The following PC variants were observed in gnomAD, a reference collection of about 807,000 sequenced individuals.
PC encodes the protein pyruvate carboxylase, also known as pyruvate carboxylase, mitochondrial.
In PC, 46 loss-of-function variants were observed where a neutral mutation model predicts 107.8. The ratio of observed to expected loss-of-function variants is 0.43; its 90% confidence interval spans 0.34 to 0.55. The LOEUF is 0.55. Ranked by LOEUF, PC falls within the 20% of genes least tolerant of loss-of-function variation. The pLI, the probability that PC is intolerant of heterozygous loss-of-function variation, is 0.04. For synonymous variants in PC, 662 were observed against 684.7 expected (o/e 0.97, Z 0.52); for missense variants, 1,241 against 1,643.1 (o/e 0.76, Z 4.23).
chr11:66,957,562 G>A (rs900948598), intron 1 of PC, among the ~76,000 whole-genome samples: 4 of 152,226 alleles, frequency 2.6e-5, no homozygotes, highest in Admixed American at 2.6e-4. Flanking sequence ...ACTGCAGTGA[G>A]CCGAGATCGC....
chr11:66,866,156 T>G lies in PC; in HGVS notation c.1185+31A>C. ...AGGCAGAACCTGTGCACAGGTGAGC[T>G]GGCATCTCCCTCTGCTCGAGCTCCG... On this transcript the variant is annotated intron_variant, in intron 11 of 22. Transcript: ENST00000393960. The surrounding 1 kb of genome is among the most constrained non-coding windows in gnomAD (Gnocchi z 5.4). 1 of 1,599,206 alleles carries G rather than the reference T, an allele frequency of 6.3e-7. No individual in the cohort carries two copies. The highest frequency in any genetic ancestry group is 8.5e-7 in the Non-Finnish European group (1 of 1,177,332).
In PC at chr11:66,933,086, A is replaced by G. The variant is rs139926904; in HGVS notation, c.-1+19344T>C. Among the ~76,000 whole-genome samples, 340 of 152,214 alleles carry G rather than the reference A, an allele frequency of 2.2e-3. 1 individual carries two copies. The highest frequency in any genetic ancestry group is 7.7e-3 in the African/African-American group (319 of 41,534). On this transcript the variant is annotated intron_variant, in intron 3 of 22. Coordinates refer to ENST00000393960, the MANE Select transcript of PC (RefSeq NM_001040716.2). ...TTTGATCAGTGTAAATCTGTTTGCTAGGAGGCAGTTTCAGCTTCCACCTAT... is the reference window on the plus strand; with the variant it reads ...TTTGATCAGTGTAAATCTGTTTGCTGGGAGGCAGTTTCAGCTTCCACCTAT...
intron 3 of PC, among the ~76,000 whole-genome samples, chr11:66,874,589 G>C (rs895870032): frequency 1.3e-5 from 2 of 152,124 alleles, no homozygotes; most frequent in African/African-American, 4.8e-5. Flanking sequence ...GTAGAAGAAA[G>C]AGAAGAGGAG....
intron 3 of PC, among the ~76,000 whole-genome samples, chr11:66,891,486 C>T (rs1297788361): frequency 3.3e-5 from 5 of 152,104 alleles, no homozygotes; most frequent in South Asian, 2.1e-4. Flanking sequence ...CTCCGCCTCC[C>T]GGGTTCGAGC....
At chr11:66,909,725 G>A (rs1948280301) in intron 3 of PC, among the ~76,000 whole-genome samples, 1 of 152,172 alleles carries the variant, frequency 6.6e-6, no homozygotes, top group Admixed American at 6.5e-5. Flanking sequence ...GGAAGCAAAT[G>A]CCAGTGCTGA....
rs535774024 is a variant in PC at position 66,916,309 on chromosome 11, C to T, written c.-1+36121G>A. ...CTGTGTTGCCCAGGCTGGTCTTCACCTCCTGGGCGCAGGTGATCCTCCGAC... is the reference window on the plus strand; with the variant it reads ...CTGTGTTGCCCAGGCTGGTCTTCACTTCCTGGGCGCAGGTGATCCTCCGAC... On this transcript the variant is annotated intron_variant, in intron 3 of 22. Coordinates refer to ENST00000393960, the MANE Select transcript of PC (RefSeq NM_001040716.2). Among the ~76,000 whole-genome samples the T allele has an allele frequency of 2.0e-5, 3 of 152,292 alleles. No homozygotes were observed. The East Asian group carries it at 5.8e-4, about 30-fold the overall frequency.
chr11:66,923,343 CAG>C (rs1170098531), intron 3 of PC, among the ~76,000 whole-genome samples: 2 of 133,146 alleles, frequency 1.5e-5, no homozygotes, highest in Non-Finnish European at 1.5e-5. Flanking sequence ...GCCTGGGAGA[CAG>C]AGTCTAGCCT....
rs557712183 is a variant in PC at position 66,870,812 on chromosome 11, G to A, written c.714C>T (p.Phe238=). ...CCTCGATGTGCCGTGGCTTCTCGAT[G>A]AACTTCTCCACAAACAGCGCCCCAT... The part of the protein sequence containing the change: ...FGNGALFVEK[F]IEKPRHIEVQ... The change falls in exon 8 of 23, where the codon TTC becomes TTT. Residue 238 remains phenylalanine, a synonymous_variant. Coordinates refer to ENST00000393960, the MANE Select transcript of PC (RefSeq NM_001040716.2). The surrounding 1 kb of genome is among the most constrained non-coding windows in gnomAD (Gnocchi z 6.1). 1 of 1,613,596 alleles carries A rather than the reference G, an allele frequency of 6.2e-7. No homozygotes were observed. The highest frequency in any genetic ancestry group is 1.3e-5 in the African/African-American group (1 of 75,036).
chr11:66,858,185 G>A lies in PC; in HGVS notation c.1369-4802C>T. ...CCTTCGACGACTTCCTAGAGAGCCT[G>A]GAGGACCTGGACCTGTCCTACAACA... On this transcript the variant is annotated intron_variant, in intron 12 of 22. Transcript: ENST00000393960. This position sits in a 1 kb window ranked among gnomAD's most constrained non-coding sequence, Gnocchi z 5.9. The A allele has an allele frequency of 6.2e-7, 1 of 1,611,844 alleles. No individual in the cohort carries two copies.
At chr11:66,908,555 A>AC in intron 3 of PC, among the ~76,000 whole-genome samples, 1 of 152,280 alleles carries the variant, frequency 6.6e-6, no homozygotes. Flanking sequence ...ACTGGGTACC[A>AC]CCCCACCATC....
At chr11:66,949,291 C>T (rs1423851319) in intron 3 of PC, among the ~76,000 whole-genome samples, 3 of 151,784 alleles carry the variant, frequency 2.0e-5, no homozygotes, top group Admixed American at 1.3e-4. Context: ...CCACCATGCC[C>T]GGCCAGAAGA....
chr11:66,871,002 C>T lies in PC; in HGVS notation c.633+50G>A. ...TCCCTTGAGTGGTCCGCCCCTGCCCCCACGGCAGGCTGCCCTGCCCTGCTC... is the reference window on the plus strand; with the variant it reads ...TCCCTTGAGTGGTCCGCCCCTGCCCTCACGGCAGGCTGCCCTGCCCTGCTC... On this transcript the variant is annotated intron_variant, in intron 7 of 22. Coordinates refer to ENST00000393960, the MANE Select transcript of PC (RefSeq NM_001040716.2). This position sits in a 1 kb window ranked among gnomAD's most constrained non-coding sequence, Gnocchi z 7.4. 9.3e-6 allele frequency: 15 copies of T among 1,611,028 alleles called. No homozygotes were observed. Among genetic ancestry groups the T allele is most frequent in the Non-Finnish European group, 1.3e-5 (15 of 1,177,886 alleles).
intron 3 of PC, among the ~76,000 whole-genome samples, chr11:66,922,628 T>G (rs906866713): frequency 1.3e-5 from 2 of 149,624 alleles, no homozygotes; most frequent in South Asian, 2.1e-4. Flanking sequence ...ACTCCAGCAC[T>G]TCCAGAGGTG....
chr11:66,892,816 C>A (rs1255170549), intron 3 of PC, among the ~76,000 whole-genome samples: 1 of 151,544 alleles, frequency 6.6e-6, no homozygotes, highest in Non-Finnish European at 1.5e-5. Flanking sequence ...GATGGCGCCA[C>A]TGCATTCTAG....
At chr11:66,925,856 CT>C (rs1948704032) in intron 3 of PC, among the ~76,000 whole-genome samples, 1 of 151,410 alleles carries the variant, frequency 6.6e-6, no homozygotes, top group African/African-American at 2.4e-5. Context: ...AATTTATGTT[CT>C]TCTGCCATGG....
At chr11:66,901,245 T>C (rs11824415) in intron 3 of PC, among the ~76,000 whole-genome samples, 2,155 of 152,266 alleles carry the variant, frequency 0.014, 49 homozygotes, top group African/African-American at 0.049. Context: ...CTGGGCTCCC[T>C]TCCTGGCTGG....
At chr11:66,924,387 A>C (rs1236415749) in intron 3 of PC, among the ~76,000 whole-genome samples, 1 of 150,306 alleles carries the variant, frequency 6.7e-6, no homozygotes, top group Non-Finnish European at 1.5e-5. Context: ...AAAAAAAAAA[A>C]AATTAGCTAG....
intron 3 of PC, among the ~76,000 whole-genome samples, chr11:66,884,396 A>G (rs560909776): frequency 1.3e-5 from 2 of 152,122 alleles, no homozygotes; most frequent in Non-Finnish European, 2.9e-5. Flanking sequence ...TGGGCAACAG[A>G]GCAAGACTCT....
chr11:66,850,161 A>G (rs1386019789), intron 19 of PC, 45 bp from the exon 20 acceptor site: 1 of 1,613,732 alleles, frequency 6.2e-7, no homozygotes, highest in Admixed American at 1.7e-5. Context: ...CACCTCAAGG[A>G]GGCCAGTGGC....
Sources: allele counts gnomAD v4.1 joint callset (sites outside exome capture counted in the v4.1 genomes callset), GRCh38; gene constraint gnomAD v4.1.1; non-coding constraint Gnocchi (gnomAD v3.1); transcripts MANE v1.5; gene names NCBI Gene and HGNC (gene_info 2026-07-23, HGNC 2026-07-21).